Variants in BMPER observed in about 807,000 individuals in gnomAD.
BMPER encodes the protein BMP binding endothelial regulator, also known as BMP-binding endothelial regulator protein.
In BMPER, 45 loss-of-function variants were observed where a neutral mutation model predicts 87.3. The ratio of observed to expected loss-of-function variants is 0.52; its 90% CI spans 0.41 to 0.66. The LOEUF (loss-of-function observed/expected upper bound fraction) is 0.66. Among genes scored for constraint, BMPER ranks in the 30% least tolerant of loss-of-function variants. The probability of loss-of-function intolerance (pLI) is 0.00; values close to 1 mark genes in which losing one functional copy is unlikely to be tolerated. For missense variants in BMPER, 784 were observed against 867.5 expected (o/e 0.90, Z 1.21); for synonymous variants, 326 against 316.2 (o/e 1.03, Z -0.33).
intron 13 of BMPER, among the ~76,000 whole-genome samples, chr7:34,133,727 T>A (rs1473268994): frequency 6.6e-6 from 1 of 152,068 alleles, no homozygotes; most frequent in Non-Finnish European, 1.5e-5. Flanking sequence ...TGACGCTAAC[T>A]CCAGTAGATA....
At chr7:34,045,006 A>G (rs1787923557) in intron 6 of BMPER, among the ~76,000 whole-genome samples, 1 of 152,098 alleles carries the variant, frequency 6.6e-6, no homozygotes, top group African/African-American at 2.4e-5. Context: ...AATGCATCAG[A>G]TGGAATCTTT....
chr7:34,000,674 G>A (rs897534318), intron 6 of BMPER, among the ~76,000 whole-genome samples: 1 of 152,016 alleles, frequency 6.6e-6, no homozygotes, highest in Non-Finnish European at 1.5e-5. Context: ...GGGTGTGCAT[G>A]ATACTATATT....
intron 6 of BMPER, among the ~76,000 whole-genome samples, chr7:34,038,225 T>C (rs890614631): frequency 3.3e-5 from 5 of 151,960 alleles, no homozygotes; most frequent in East Asian, 1.9e-4. Context: ...ATAGTACTTA[T>C]AAAAGGGAAG....
At chr7:33,984,923 G>T (rs1007427722) in intron 6 of BMPER, among the ~76,000 whole-genome samples, 1 of 152,096 alleles carries the variant, frequency 6.6e-6, no homozygotes, top group Non-Finnish European at 1.5e-5. Context: ...TAAACTATCT[G>T]TCCATTCCTC....
chr7:34,145,965 G>A lies in BMPER; in HGVS notation c.1876+2605G>A, dbSNP rs73690177. ...CTGTTCTTAGTGGAGCCATCTGGGTGAAGTATAACTCCATCAAATGAAGTT... is the reference window on the plus strand; with the variant it reads ...CTGTTCTTAGTGGAGCCATCTGGGTAAAGTATAACTCCATCAAATGAAGTT... On this transcript the variant is annotated intron_variant, in intron 14 of 14. Coordinates refer to ENST00000649409, the MANE Select transcript of BMPER (RefSeq NM_001365308.1). 6.8e-3 allele frequency among the ~76,000 whole-genome samples: 1,036 copies of A among 152,206 alleles called. 8 individuals are homozygous for A. Among genetic ancestry groups the A allele is most frequent in the African/African-American group, 0.024 (995 of 41,524 alleles).
chr7:33,911,435 A>G lies in BMPER; in HGVS notation c.219+4532A>G, dbSNP rs114212825. Among the ~76,000 whole-genome samples the G allele has an allele frequency of 3.4e-3, 512 of 152,352 alleles. 2 individuals carry two copies. The highest frequency in any genetic ancestry group is 0.012 in the African/African-American group (489 of 41,588). The stretch of plus-strand genomic sequence containing the variant: ...AAACGTTTACTACTTAAAAACTTCT[A>G]CAGATACCTTCAAGAGCTTCAGAGA... On this transcript the variant is annotated intron_variant, in intron 2 of 14. Transcript: ENST00000649409.
chr7:34,138,163 A>G (rs909480174), intron 13 of BMPER, among the ~76,000 whole-genome samples: 1 of 152,146 alleles, frequency 6.6e-6, no homozygotes, highest in Non-Finnish European at 1.5e-5. Flanking sequence ...AATTTAAATA[A>G]CCACATGTGT....
intron 6 of BMPER, among the ~76,000 whole-genome samples, chr7:34,017,960 CTT>C (rs1787076181): frequency 7.0e-6 from 1 of 142,790 alleles, no homozygotes; most frequent in Non-Finnish European, 1.5e-5. Context: ...AATACTTAAA[CTT>C]GTCCAAAAAA....
chr7:34,058,868 G>C (rs1282332228), intron 10 of BMPER, among the ~76,000 whole-genome samples: 1 of 152,068 alleles, frequency 6.6e-6, no homozygotes, highest in Non-Finnish European at 1.5e-5. Flanking sequence ...CATATATTCA[G>C]GACATGTCCT....
intron 7 of BMPER, among the ~76,000 whole-genome samples, chr7:34,047,514 T>G (rs1038482971): frequency 6.6e-6 from 1 of 152,054 alleles, no homozygotes; most frequent in Admixed American, 6.5e-5. Flanking sequence ...CCTGACCTTG[T>G]GATCCACCCA....
At chr7:34,101,972 C>A in intron 13 of BMPER, among the ~76,000 whole-genome samples, 2 of 152,134 alleles carry the variant, frequency 1.3e-5, no homozygotes, top group Non-Finnish European at 2.9e-5. Context: ...TTAATTAGAT[C>A]TTTTTCTAGT....
At chr7:33,923,811 A>G (rs1163585557) in intron 2 of BMPER, among the ~76,000 whole-genome samples, 1 of 152,050 alleles carries the variant, frequency 6.6e-6, no homozygotes, top group African/African-American at 2.4e-5. Context: ...TTATTGGTTT[A>G]TTTTTCTTTT....
chr7:34,060,673 C>G (rs1788412918), intron 10 of BMPER, among the ~76,000 whole-genome samples: 1 of 152,218 alleles, frequency 6.6e-6, no homozygotes, highest in African/African-American at 2.4e-5. Flanking sequence ...TAAGCCTACT[C>G]TTGATGGAAA....
intron 6 of BMPER, 92 bp downstream of exon 6, chr7:33,974,876 C>G: frequency 9.7e-6 from 12 of 1,238,296 alleles, no homozygotes; most frequent in South Asian, 3.6e-5. Flanking sequence ...CAGCCTCTCT[C>G]TCGTCTCCTC....
At chr7:33,923,225 C>T (rs1180641225) in intron 2 of BMPER, among the ~76,000 whole-genome samples, 2 of 152,158 alleles carry the variant, frequency 1.3e-5, no homozygotes, top group South Asian at 2.1e-4. Flanking sequence ...GCTTTGGCTT[C>T]AGGACTCAGT....
rs537255287 is a variant in BMPER at position 34,139,198 on chromosome 7, A to G, written c.1746-4032A>G. On this transcript the variant is annotated intron_variant, in intron 13 of 14. Coordinates refer to ENST00000649409, the MANE Select transcript of BMPER (RefSeq NM_001365308.1). ...CAACAGAAGCATGCAAAATTATTCCATTATCTATTCCACCACCACATTAGT... is the reference window on the plus strand; with the variant it reads ...CAACAGAAGCATGCAAAATTATTCCGTTATCTATTCCACCACCACATTAGT... 4.6e-5 allele frequency among the ~76,000 whole-genome samples: 7 copies of G among 152,340 alleles called. No homozygotes were observed. In the South Asian group the frequency reaches 1.4e-3, roughly 32 times the overall value.
At chr7:33,940,811 G>A (rs1297535515) in intron 3 of BMPER, among the ~76,000 whole-genome samples, 3 of 144,108 alleles carry the variant, frequency 2.1e-5, no homozygotes, top group African/African-American at 7.8e-5. Context: ...TTGTCTCAGG[G>A]TCAAAGAATT....
intron 6 of BMPER, among the ~76,000 whole-genome samples, chr7:33,993,062 A>G (rs1445522632): frequency 7.6e-6 from 1 of 131,288 alleles, no homozygotes; most frequent in Non-Finnish European, 1.7e-5. Flanking sequence ...TTTTTCCTTC[A>G]TTTCAACTTT....
intron 13 of BMPER, among the ~76,000 whole-genome samples, chr7:34,117,189 A>G (rs979530679): frequency 1.3e-5 from 2 of 152,234 alleles, no homozygotes; most frequent in African/African-American, 2.4e-5. Flanking sequence ...TATTTATAAT[A>G]CAAAATGTTG....
Sources: allele counts gnomAD v4.1 joint callset (sites outside exome capture counted in the v4.1 genomes callset), GRCh38; gene constraint gnomAD v4.1.1; transcripts MANE v1.5; gene names NCBI Gene and HGNC (gene_info 2026-07-23, HGNC 2026-07-21).